KCNMA1: variants seen among roughly 807,000 people sequenced by gnomAD.
The protein encoded by KCNMA1 is potassium calcium-activated channel subfamily M alpha 1.
A neutral mutation model predicts 140.0 loss-of-function variants in KCNMA1; 29 were observed. The ratio of observed to expected loss-of-function variants is 0.21; its 90% CI spans 0.15 to 0.28. The LOEUF is 0.28. KCNMA1 is among the 10% of genes least tolerant of loss of function. The pLI is 1.00. For missense variants in KCNMA1, 880 were observed against 1,602.2 expected, an observed-to-expected ratio of 0.55 and a Z score of 7.70; for synonymous variants, 612 against 611.9, an observed-to-expected ratio of 1.00 and a Z score of 0.00.
chr10:77,412,944 G>A (rs181962459), intron 1 of KCNMA1, among the ~76,000 whole-genome samples: 1 of 152,098 alleles, frequency 6.6e-6, no homozygotes, highest in East Asian at 1.9e-4. Flanking sequence ...TGCAATTTCT[G>A]CCTCCCAGGT....
intron 20 of KCNMA1, among the ~76,000 whole-genome samples, chr10:76,964,734 C>G (rs1334870929): frequency 6.6e-6 from 1 of 152,088 alleles, no homozygotes. Flanking sequence ...AACAAAATGA[C>G]CCCACGAAAG....
rs2151658849 is a variant in KCNMA1, at chr10:76,886,264, T to C, written c.*1002A>G. 1.0e-6 allele frequency: 1 copy of C among 985,386 alleles called. No individual in the cohort carries two copies. The highest frequency in any genetic ancestry group is 1.2e-6 in the Non-Finnish European group (1 of 829,890). 61.0% of individuals were successfully genotyped at this position (985,386 alleles called of 1,614,324 possible). On this transcript the variant is annotated 3_prime_UTR_variant, in exon 28 of 28. Transcript: ENST00000286628. ...AACAAAGGGGAGTAAAAAGATCCCCTGAGAATGCATGGAAAAATACTTGCT... is the reference window on the plus strand; with the variant it reads ...AACAAAGGGGAGTAAAAAGATCCCCCGAGAATGCATGGAAAAATACTTGCT...
chr10:77,261,810 T>C (rs899836485), intron 2 of KCNMA1, among the ~76,000 whole-genome samples: 1 of 152,210 alleles, frequency 6.6e-6, no homozygotes, highest in African/African-American at 2.4e-5. Context: ...ACCTTTCCTG[T>C]CCAAGTATTG....
chr10:76,896,141 A>T (rs1175772256), intron 25 of KCNMA1, among the ~76,000 whole-genome samples: 1 of 152,196 alleles, frequency 6.6e-6, no homozygotes, highest in Non-Finnish European at 1.5e-5. Context: ...GAGGCCAGGG[A>T]GTGTTTCATC....
At chr10:77,455,390 G>C (rs897217594) in intron 1 of KCNMA1, among the ~76,000 whole-genome samples, 2 of 152,166 alleles carry the variant, frequency 1.3e-5, no homozygotes, top group African/African-American at 4.8e-5. Flanking sequence ...GCCTGGTCAC[G>C]ATGATGAGTG....
chr10:77,404,467 A>G (rs1404616265), intron 1 of KCNMA1, among the ~76,000 whole-genome samples: 1 of 151,930 alleles, frequency 6.6e-6, no homozygotes, highest in African/African-American at 2.4e-5. Flanking sequence ...TTTAGTAGAG[A>G]GGGTTTCACC....
intron 1 of KCNMA1, among the ~76,000 whole-genome samples, chr10:77,543,484 A>G (rs1410106866): frequency 6.6e-6 from 1 of 152,266 alleles, no homozygotes; most frequent in Non-Finnish European, 1.5e-5. Flanking sequence ...AATAAGGAAC[A>G]TAATAGCATA....
At chr10:77,252,658 G>C (rs1352440375) in intron 2 of KCNMA1, among the ~76,000 whole-genome samples, 1 of 151,756 alleles carries the variant, frequency 6.6e-6, no homozygotes, top group East Asian at 1.9e-4. Flanking sequence ...TGCCAAAGTG[G>C]CTGACAGAAA....
chr10:77,133,376 G>C (rs560135927), intron 5 of KCNMA1, among the ~76,000 whole-genome samples: 4 of 151,620 alleles, frequency 2.6e-5, no homozygotes, highest in Non-Finnish European at 4.4e-5. Context: ...AATTCCAGGC[G>C]CATGCTATTT....
At chr10:77,104,357 G>A (rs1340142030) in intron 9 of KCNMA1, among the ~76,000 whole-genome samples, 4 of 152,156 alleles carry the variant, frequency 2.6e-5, no homozygotes, top group African/African-American at 9.7e-5. Context: ...CAAGAGACGG[G>A]TTAGTCCATG....
intron 15 of KCNMA1, among the ~76,000 whole-genome samples, chr10:77,038,955 G>A (rs2153576911): frequency 6.6e-6 from 1 of 152,294 alleles, no homozygotes; most frequent in East Asian, 1.9e-4. Context: ...GATCCATCCT[G>A]CTGAGCCAGT....
At chr10:77,314,625 C>G (rs2080245820) in intron 2 of KCNMA1, among the ~76,000 whole-genome samples, 2 of 152,100 alleles carry the variant, frequency 1.3e-5, no homozygotes, top group South Asian at 4.1e-4. Flanking sequence ...CCAGCCCATT[C>G]ATGACCCCTG....
chr10:77,497,871 C>T (rs935041795), intron 1 of KCNMA1, among the ~76,000 whole-genome samples: 6 of 152,216 alleles, frequency 3.9e-5, no homozygotes, highest in African/African-American at 1.4e-4. Flanking sequence ...TTCCCACACT[C>T]AGGAGCATGG....
In KCNMA1 at chr10:76,969,300, G is replaced by GGGAAGGAAGGAAGGGAGGAA. The variant is rs58490256; in HGVS notation, c.2360+673_2360+674insTTCCTCCCTTCCTTCCTTCC. 1.2e-3 allele frequency among the ~76,000 whole-genome samples: 127 copies of GGGAAGGAAGGAAGGGAGGAA among 109,350 alleles called. 4 individuals carry two copies. The highest frequency in any genetic ancestry group is 5.2e-3 in the Middle Eastern group (1 of 194). The allele number at this position is 109,350 out of a possible 152,430, so 71.7% of individuals were successfully genotyped here. On this transcript the variant is annotated intron_variant, in intron 20 of 27. Transcript: ENST00000286628. ...GGGGAAGAAGGGAAGGAAGGAAGGA[G>GGGAAGGAAGGAAGGGAGGAA]GGAAGGAAGGAAGGAAGGAAGGAAG...
At chr10:76,900,541 A>C (rs1435957685) in intron 25 of KCNMA1, among the ~76,000 whole-genome samples, 10 of 152,092 alleles carry the variant, frequency 6.6e-5, no homozygotes. Flanking sequence ...AAGAAAGTAA[A>C]TGTTACTAAA....
chr10:77,089,598 G>C (rs2096768962), intron 10 of KCNMA1, among the ~76,000 whole-genome samples: 1 of 152,124 alleles, frequency 6.6e-6, no homozygotes, highest in Non-Finnish European at 1.5e-5. Flanking sequence ...CTCCTAAGTG[G>C]ATTATACAAC....
chr10:77,520,039 GTGCAGTGTGA>G (rs1164323624), intron 1 of KCNMA1, among the ~76,000 whole-genome samples: 29 of 19,392 alleles, frequency 1.5e-3, no homozygotes, highest in Admixed American at 2.7e-3. Context: ...GTGTGAGGGT[GTGCAGTGTGA>G]GGGTGTGCAG....
At chr10:77,371,235 C>T (rs1457689329) in intron 2 of KCNMA1, among the ~76,000 whole-genome samples, 1 of 152,140 alleles carries the variant, frequency 6.6e-6, no homozygotes, top group Non-Finnish European at 1.5e-5. Flanking sequence ...GAACTCTGCT[C>T]AGTATGATAT....
chr10:77,399,478 AC>A, intron 2 of KCNMA1, among the ~76,000 whole-genome samples: 1 of 152,350 alleles, frequency 6.6e-6, no homozygotes, highest in African/African-American at 2.4e-5. Context: ...AGTACTCTTG[AC>A]AGCCTGGTGT....
Sources: gnomAD v4.1 joint callset for allele counts (sites outside exome capture counted in the v4.1 genomes callset) on GRCh38, gnomAD v4.1.1 for gene constraint, MANE v1.5 for transcripts, NCBI Gene and HGNC (gene_info 2026-07-23, HGNC 2026-07-21) for gene names.